KCNJ6: variants seen among roughly 807,000 people sequenced by gnomAD.
KCNJ6 encodes the protein potassium inwardly rectifying channel subfamily J member 6.
Under a neutral mutation model 34.2 loss-of-function variants are expected in KCNJ6, and 9 were observed. That is an observed-to-expected ratio of 0.26 (90% confidence interval 0.16 to 0.46). The LOEUF is 0.46. Ranked by LOEUF, KCNJ6 falls within the 20% of genes least tolerant of loss-of-function variation. The pLI is 1.00. For missense variants in KCNJ6, 236 were observed against 531.3 expected, an observed-to-expected ratio of 0.44 and a Z score of 5.46; for synonymous variants, 196 against 207.1, an observed-to-expected ratio of 0.95 and a Z score of 0.46.
intron 3 of KCNJ6, among the ~76,000 whole-genome samples, chr21:37,686,354 G>A (rs1025388833): frequency 2.6e-5 from 4 of 151,970 alleles, no homozygotes; most frequent in African/African-American, 9.7e-5. Flanking sequence ...GAAGGTGGAG[G>A]AAGCTAGTGT....
rs947465022 is a variant in KCNJ6, at chr21:37,695,810, C to A, written c.946+18401G>T. ...TTCCCTAGTAAAAGGAACAAGGAAT[C>A]TTTGGAGAAATGTCTGACTCCAGAG... On this transcript the variant is annotated intron_variant, in intron 3 of 3. Transcript: ENST00000609713. The surrounding 1 kb of genome is among the most constrained non-coding windows in gnomAD (Gnocchi z 4.2). 1.3e-5 allele frequency among the ~76,000 whole-genome samples: 2 copies of A among 152,174 alleles called. No homozygotes were observed. The highest frequency in any genetic ancestry group is 4.8e-5 in the African/African-American group (2 of 41,446).
intron 2 of KCNJ6, among the ~76,000 whole-genome samples, chr21:37,836,223 TA>T (rs1256033512): frequency 6.6e-6 from 1 of 152,116 alleles, no homozygotes; most frequent in Non-Finnish European, 1.5e-5. Flanking sequence ...TGGTGATCAT[TA>T]AAAAGTCAGG....
intron 2 of KCNJ6, among the ~76,000 whole-genome samples, chr21:37,833,565 G>A (rs2055437364): frequency 1.3e-5 from 2 of 152,184 alleles, no homozygotes; most frequent in Non-Finnish European, 1.5e-5. Flanking sequence ...TGAAAACGCA[G>A]GTGGAGATGC....
At chr21:37,644,210 A>G (rs2054393578) in intron 3 of KCNJ6, among the ~76,000 whole-genome samples, 1 of 152,156 alleles carries the variant, frequency 6.6e-6, no homozygotes, top group Non-Finnish European at 1.5e-5. Flanking sequence ...AACAACACAC[A>G]CTGGGGCCTG....
chr21:37,713,651 T>A (rs1426777679), intron 3 of KCNJ6, among the ~76,000 whole-genome samples: 1 of 152,122 alleles, frequency 6.6e-6, no homozygotes, highest in Non-Finnish European at 1.5e-5. Context: ...TCTGCTAGAG[T>A]TATTTACTGT....
chr21:37,664,402 G>C (rs1386076978), intron 3 of KCNJ6, among the ~76,000 whole-genome samples: 1 of 152,064 alleles, frequency 6.6e-6, no homozygotes, highest in East Asian at 1.9e-4. Flanking sequence ...AATTAAAGTT[G>C]ATTCTTTGGA....
rs3061052 is a variant in KCNJ6, at chr21:37,844,064, A to ATTTT, written c.-27-3359_-27-3356dup. ...CCTTCCTCACCCCCTGATATTTTGC[A>ATTTT]TTTTTTTTTTTTTGAGATGGAGTCT... On this transcript the variant is annotated intron_variant, in intron 1 of 3. Transcript: ENST00000609713. Among the ~76,000 whole-genome samples the ATTTT allele has an allele frequency of 2.0e-3, 291 of 143,596 alleles. 1 individual carries two copies. Among genetic ancestry groups the ATTTT allele is most frequent in the African/African-American group, 6.6e-3 (256 of 38,784 alleles). The allele number at this position is 143,596 out of a possible 152,430, so 94.2% of individuals were successfully genotyped here.
intron 1 of KCNJ6, among the ~76,000 whole-genome samples, chr21:37,850,199 C>T (rs375268819): frequency 1.3e-5 from 2 of 151,968 alleles, no homozygotes; most frequent in East Asian, 1.9e-4. Context: ...AGGTAGGTTG[C>T]GGGGTGCCAG....
At chr21:37,734,639 T>C (rs858025) in intron 2 of KCNJ6, among the ~76,000 whole-genome samples, 148,541 of 152,172 alleles carry the variant, frequency 0.98, 72,536 homozygotes, top group East Asian at 1. Flanking sequence ...CTGCAGCACC[T>C]CCACTGAAAC....
chr21:37,623,451 C>T lies in KCNJ6; in HGVS notation c.*1708G>A, dbSNP rs1252429281. The T allele has an allele frequency of 6.6e-6, 1 of 152,180 alleles. No individual in the cohort carries two copies. The highest frequency in any genetic ancestry group is 2.4e-5 in the African/African-American group (1 of 41,436). 9.4% of individuals were successfully genotyped at this position (152,180 alleles called of 1,614,324 possible). A position where few individuals can be genotyped will look rare whatever the true frequency, so the allele number is the denominator to read the frequency against. On this transcript the variant is annotated 3_prime_UTR_variant, in exon 4 of 4. Transcript: ENST00000609713. ...CCATTCAATGAATATTTATGATGGGCAACTGTGTTAAAGAACAAACAGCTT... is the reference window on the plus strand; with the variant it reads ...CCATTCAATGAATATTTATGATGGGTAACTGTGTTAAAGAACAAACAGCTT...
At chr21:37,914,107 C>A (rs1050516618) in intron 1 of KCNJ6, among the ~76,000 whole-genome samples, 2 of 151,744 alleles carry the variant, frequency 1.3e-5, no homozygotes, top group African/African-American at 4.8e-5. Context: ...TCTCCACTCT[C>A]AGTTCAGCTC....
chr21:37,749,469 T>C (rs1343095696), intron 2 of KCNJ6, among the ~76,000 whole-genome samples: 1 of 152,140 alleles, frequency 6.6e-6, no homozygotes, highest in East Asian at 1.9e-4. Flanking sequence ...GGACTGGATT[T>C]GTCACTAGAT....
intron 2 of KCNJ6, among the ~76,000 whole-genome samples, chr21:37,757,587 C>T (rs111237754): frequency 6.8e-6 from 1 of 147,078 alleles, no homozygotes. Context: ...AGCACTCCCT[C>T]ACAGATTCCA....
At position 37,611,114 on chromosome 21, in the gene KCNJ6, G is replaced by A. The variant is rs1336876852; in HGVS notation, c.*14045C>T. 1 of 152,044 alleles carries A rather than the reference G, an allele frequency of 6.6e-6. No homozygotes were observed. The highest frequency in any genetic ancestry group is 2.4e-5 in the African/African-American group (1 of 41,416). 9.4% of individuals were successfully genotyped at this position (152,044 alleles called of 1,614,324 possible). A position where few individuals can be genotyped will look rare whatever the true frequency, so the allele number is the denominator to read the frequency against. ...ATGCTAACTAAGAAAAAAAGAGAAA[G>A]AACACAAATTACTACTATCAGAAAT... On this transcript the variant is annotated 3_prime_UTR_variant, in exon 4 of 4. Transcript: ENST00000609713.
rs148702642 is a variant in KCNJ6, at chr21:37,706,706, G to A, written c.946+7505C>T. ...TATGTAAACAGAGAATAATGAAATTGGCTACATAGAAATTCACATTTACTG... is the reference window on the plus strand; with the variant it reads ...TATGTAAACAGAGAATAATGAAATTAGCTACATAGAAATTCACATTTACTG... On this transcript the variant is annotated intron_variant, in intron 3 of 3. Transcript: ENST00000609713. 1.9e-3 allele frequency among the ~76,000 whole-genome samples: 296 copies of A among 152,312 alleles called. 1 individual carries two copies. Among genetic ancestry groups the A allele is most frequent in the African/African-American group, 6.7e-3 (279 of 41,576 alleles).
chr21:37,861,200 A>T (rs1009705628), intron 1 of KCNJ6, among the ~76,000 whole-genome samples: 4 of 152,220 alleles, frequency 2.6e-5, no homozygotes, highest in African/African-American at 4.8e-5. Context: ...GCCTACTGTA[A>T]CAAAGTACCA....
At chr21:37,841,752 C>T (rs1249893091) in intron 1 of KCNJ6, among the ~76,000 whole-genome samples, 1 of 152,150 alleles carries the variant, frequency 6.6e-6, no homozygotes, top group African/African-American at 2.4e-5. Context: ...AATATGTCAT[C>T]ATTTTTTAAT....
At chr21:37,806,933 A>T (rs987670954) in intron 2 of KCNJ6, among the ~76,000 whole-genome samples, 1 of 152,236 alleles carries the variant, frequency 6.6e-6, no homozygotes, top group Admixed American at 6.5e-5. Context: ...ACATTCTTAC[A>T]GATTATATTG....
chr21:37,756,060 G>T (rs2055022923), intron 2 of KCNJ6, among the ~76,000 whole-genome samples: 2 of 152,190 alleles, frequency 1.3e-5, no homozygotes, highest in Non-Finnish European at 2.9e-5. Flanking sequence ...TGGATGGATG[G>T]ACGCTGACAC....
Sources: allele counts gnomAD v4.1 joint callset (sites outside exome capture counted in the v4.1 genomes callset), GRCh38; gene constraint gnomAD v4.1.1; non-coding constraint Gnocchi (gnomAD v3.1); transcripts MANE v1.5; gene names NCBI Gene and HGNC (gene_info 2026-07-23, HGNC 2026-07-21).